The following ZFHX4 variants were observed in gnomAD, a reference collection of about 807,000 sequenced individuals.
ZFHX4 encodes the protein zinc finger homeobox protein 4.
ZFHX4 carries 56 observed loss-of-function variants against 267.6 expected under a neutral mutation model. That is an observed-to-expected ratio of 0.21 (90% CI 0.17 to 0.26). The LOEUF (loss-of-function observed/expected upper bound fraction) is 0.26, where lower values mean the gene tolerates loss of function less well. Ranked by LOEUF, ZFHX4 falls within the 10% of genes least tolerant of loss-of-function variation. The pLI is 1.00. For missense variants in ZFHX4, 4,332 were observed against 4,420.0 expected (o/e 0.98, Z 0.56); for synonymous variants, 1,778 against 1,665.6 (o/e 1.07, Z -1.64).
chr8:76,833,578 A>G, intron 5 of ZFHX4, 172 bp downstream of exon 5: 1 of 565,350 alleles, frequency 1.8e-6, no homozygotes, highest in South Asian at 2.1e-5. Flanking sequence ...AATTGGAAGT[A>G]TATGTAAATT....
intron 1 of ZFHX4, among the ~76,000 whole-genome samples, chr8:76,694,868 G>A (rs980944299): frequency 6.6e-6 from 1 of 151,676 alleles, no homozygotes; most frequent in African/African-American, 2.4e-5. Flanking sequence ...AGATGGCGAT[G>A]AGAGTTAATG....
chr8:76,705,209 C>T lies in ZFHX4; in HGVS notation c.1121C>T (p.Ser374Phe). The change falls in exon 2 of 11, where the codon TCT (serine) becomes TTT (phenylalanine). Residue 374 changes from serine (S) to phenylalanine (F), a missense_variant. This residue lies in a region of ZFHX4 where 1,195 missense variants were observed against 1,173.6 expected (regional missense o/e 1.02). Transcript: ENST00000651372. ...WSAFHVENGD[S>F]LPAGFAFLKG... ...GCTTTTCATGTTGAAAATGGTGACT[C>T]TTTGCCGGCTGGCTTTGCCTTCTTA... 1 of 1,614,012 alleles carries T rather than the reference C, an allele frequency of 6.2e-7. No homozygotes were observed. Among genetic ancestry groups the T allele is most frequent in the African/African-American group, 1.3e-5 (1 of 75,068 alleles).
chr8:76,833,233 A>C (rs1811983093), intron 4 of ZFHX4, 105 bp from the exon 5 acceptor site: 2 of 798,440 alleles, frequency 2.5e-6, no homozygotes, highest in Non-Finnish European at 4.2e-6. Flanking sequence ...TTCACCTGAT[A>C]CTTATCTCTC....
chr8:76,749,177 A>G (rs1809549232), intron 3 of ZFHX4, among the ~76,000 whole-genome samples: 1 of 152,142 alleles, frequency 6.6e-6, no homozygotes, highest in African/African-American at 2.4e-5. Context: ...ATGACTATTC[A>G]GTTGAGTCCT....
chr8:76,704,709 C>A lies in ZFHX4; in HGVS notation c.621C>A (p.Ala207=), dbSNP rs753265770. The change falls in exon 2 of 11, where the codon GCC becomes GCA. Residue 207 remains alanine (A), a synonymous_variant. Transcript: ENST00000651372. The stretch of plus-strand genomic sequence containing the variant: ...CATCCCTCGGGAAACCATTTACAGC[C>A]GATCAGGCTTTCCCAAATACCTCAG... The part of the protein sequence containing the change: ...IASSLGKPFT[A]DQAFPNTSAL... 1.2e-6 allele frequency: 2 copies of A among 1,613,970 alleles called. No homozygotes were observed. Among genetic ancestry groups the A allele is most frequent in the Non-Finnish European group, 8.5e-7 (1 of 1,179,904 alleles).
At chr8:76,779,850 G>T (rs1810502705) in intron 4 of ZFHX4, among the ~76,000 whole-genome samples, 1 of 151,994 alleles carries the variant, frequency 6.6e-6, no homozygotes, top group South Asian at 2.1e-4. Context: ...TTATTTTACT[G>T]CAGTTTAGCA....
chr8:76,756,764 G>A (rs1055186006), intron 3 of ZFHX4, among the ~76,000 whole-genome samples: 6 of 151,746 alleles, frequency 4.0e-5, no homozygotes, highest in African/African-American at 1.2e-4. Context: ...CCAAATTTAC[G>A]CTAAACTATA....
rs372678411 is a variant in ZFHX4, at chr8:76,855,609, C to T, written c.8688C>T (p.Ala2896=). The change falls in exon 10 of 11, where the codon GCC becomes GCT. Residue 2896 remains alanine (A), a synonymous_variant. Coordinates refer to ENST00000651372, the MANE Select transcript of ZFHX4 (RefSeq NM_024721.5). ...FYITDDPDDN[A]DRSETSSIAD... ...TCACAGATGACCCGGATGACAACGC[C>T]GACCGCAGCGAAACGTCCAGCATAG... 7.4e-6 allele frequency: 12 copies of T among 1,613,622 alleles called. No homozygotes were observed. In the African/African-American group the frequency reaches 1.1e-4, roughly 14 times the overall value.
At position 76,854,047 on chromosome 8, in the gene ZFHX4, G is replaced by C; in HGVS notation, c.7126G>C (p.Ala2376Pro). ...TGGCCAAACGGATGCAGCTAAAAACGCTGCTGCCCCTGCAGCAAGTTCTGG... is the reference window on the plus strand; with the variant it reads ...TGGCCAAACGGATGCAGCTAAAAACCCTGCTGCCCCTGCAGCAAGTTCTGG... The part of the protein sequence containing the change: ...VSGQTDAAKN[A>P]AAPAASSGSG... The change falls in exon 10 of 11, where the codon GCT (alanine) becomes CCT (proline). Residue 2376 changes from alanine to proline, a missense_variant. This residue lies in a region of ZFHX4 where 1,648 missense variants were observed against 1,625.0 expected (regional missense o/e 1.01). Transcript: ENST00000651372. 1 of 1,613,828 alleles carries C rather than the reference G, an allele frequency of 6.2e-7. No homozygotes were observed. Among genetic ancestry groups the C allele is most frequent in the South Asian group, 1.1e-5 (1 of 91,062 alleles).
rs186332380 is a variant in ZFHX4, at chr8:76,822,873, C to A, written c.3326-10465C>A. Among the ~76,000 whole-genome samples, 11 of 152,242 alleles carry A rather than the reference C, an allele frequency of 7.2e-5. No individual in the cohort carries two copies. In the East Asian group the frequency reaches 2.1e-3, roughly 29 times the overall value. On this transcript the variant is annotated intron_variant, in intron 4 of 10. Transcript: ENST00000651372. ...TATTCTAAGAAGTGTCATTTACTCA[C>A]AAGTCATTGGTTAGTAACATTTTCA...
At chr8:76,748,389 C>A (rs1563499027) in intron 3 of ZFHX4, among the ~76,000 whole-genome samples, 1 of 152,306 alleles carries the variant, frequency 6.6e-6, no homozygotes, top group East Asian at 1.9e-4. Context: ...TATTTAATAT[C>A]TTTTCTTAAT....
intron 4 of ZFHX4, among the ~76,000 whole-genome samples, chr8:76,815,908 C>G (rs1163131685): frequency 6.6e-6 from 1 of 152,200 alleles, no homozygotes; most frequent in Admixed American, 6.5e-5. Flanking sequence ...CATAAACATT[C>G]AAACCATAGC....
intron 4 of ZFHX4, among the ~76,000 whole-genome samples, chr8:76,804,725 AC>A (rs1299548323): frequency 8.7e-6 from 1 of 115,148 alleles, no homozygotes; most frequent in Non-Finnish European, 1.8e-5. Flanking sequence ...ATTTGGGGTT[AC>A]CTTTAAATAT....
At chr8:76,821,330 C>G (rs1176927980) in intron 4 of ZFHX4, among the ~76,000 whole-genome samples, 1 of 152,146 alleles carries the variant, frequency 6.6e-6, no homozygotes, top group Non-Finnish European at 1.5e-5. Flanking sequence ...CCACACTTGA[C>G]ATCTCCAGTT....
intron 3 of ZFHX4, among the ~76,000 whole-genome samples, chr8:76,736,622 C>T (rs1306650873): frequency 2.6e-5 from 4 of 152,074 alleles, no homozygotes; most frequent in South Asian, 2.1e-4. Context: ...GAGGTTAGAA[C>T]AGTCCATGTA....
intron 2 of ZFHX4, among the ~76,000 whole-genome samples, chr8:76,707,272 G>A (rs1170876658): frequency 6.6e-6 from 1 of 152,172 alleles, no homozygotes; most frequent in Admixed American, 6.5e-5. Context: ...GCACGTGACT[G>A]TTTTGTTATG....
rs1813036740 is a variant in ZFHX4 at position 76,866,534 on chromosome 8, C to A, written c.*1969C>A. The A allele has an allele frequency of 6.6e-6, 1 of 151,186 alleles. No individual in the cohort carries two copies. Among genetic ancestry groups the A allele is most frequent in the African/African-American group, 2.4e-5 (1 of 40,980 alleles). The allele number at this position is 151,186 out of a possible 1,614,324, so 9.4% of individuals were successfully genotyped here. A position where few individuals can be genotyped will look rare whatever the true frequency, so the allele number is the denominator to read the frequency against. The stretch of plus-strand genomic sequence containing the variant: ...TTTTTTGATTGTGTTTCGTAAGAGA[C>A]AACATGGCCTCCTAAGGTGCAATCC... On this transcript the variant is annotated 3_prime_UTR_variant, in exon 11 of 11. Transcript: ENST00000651372.
At chr8:76,728,905 T>C (rs1333238708) in intron 3 of ZFHX4, among the ~76,000 whole-genome samples, 2 of 152,192 alleles carry the variant, frequency 1.3e-5, no homozygotes, top group East Asian at 1.9e-4. Context: ...ACCATTTTCA[T>C]AGGTTTTAGG....
chr8:76,703,401 A>G (rs1022985524), intron 1 of ZFHX4, among the ~76,000 whole-genome samples: 2 of 152,066 alleles, frequency 1.3e-5, no homozygotes, highest in Admixed American at 6.6e-5. Context: ...TGTGGGGAGG[A>G]ATTGTGATTG....
Sources: gnomAD v4.1 joint callset for allele counts (sites outside exome capture counted in the v4.1 genomes callset) on GRCh38, gnomAD v4.1.1 for gene constraint, gnomAD v4.1.1 regional missense constraint, MANE v1.5 for transcripts, NCBI Gene and HGNC (gene_info 2026-07-23, HGNC 2026-07-21) for gene names.